The following PRKCA variants were observed in gnomAD, a reference collection of about 807,000 sequenced individuals.
The protein encoded by PRKCA is protein kinase C alpha type.
A neutral mutation model predicts 87.0 loss-of-function variants in PRKCA; 27 were observed. The ratio of observed to expected loss-of-function variants is 0.31; its 90% CI spans 0.23 to 0.43. The LOEUF (loss-of-function observed/expected upper bound fraction) is 0.43. Ranked by LOEUF, PRKCA falls within the 20% of genes least tolerant of loss-of-function variation. The pLI is 1.00. For synonymous variants in PRKCA, 329 were observed against 311.1 expected (o/e 1.06, Z -0.61); for missense variants, 518 against 852.3 (o/e 0.61, Z 4.88).
At chr17:66,377,413 G>C (rs894695920) in intron 2 of PRKCA, among the ~76,000 whole-genome samples, 2 of 151,572 alleles carry the variant, frequency 1.3e-5, no homozygotes, top group African/African-American at 4.9e-5. Context: ...ACTTGTCCCA[G>C]GTCTATCTGG....
rs913526014 is a variant in PRKCA, at chr17:66,759,198, CA to C, written c.1525-14781del. Among the ~76,000 whole-genome samples the C allele has an allele frequency of 4.6e-5, 7 of 151,078 alleles. No individual in the cohort carries two copies. The South Asian group carries it at 1.0e-3, about 23-fold the overall frequency. On this transcript the variant is annotated intron_variant, in intron 13 of 16. Transcript: ENST00000413366. ...TGAAACCCCATCTCTAATAAAAATA[CA>C]AAAAAAATTAGCCGGGCGTGGTGGC...
At chr17:66,634,883 G>A (rs1971111837) in intron 3 of PRKCA, among the ~76,000 whole-genome samples, 1 of 152,086 alleles carries the variant, frequency 6.6e-6, no homozygotes, top group African/African-American at 2.4e-5. Context: ...GTGTGTGGGA[G>A]GTGAGAGATA....
chr17:66,519,346 T>C (rs1193052529), intron 3 of PRKCA, among the ~76,000 whole-genome samples: 4 of 152,198 alleles, frequency 2.6e-5, no homozygotes, highest in Non-Finnish European at 5.9e-5. Flanking sequence ...CTAGCTAGAA[T>C]GTTTTTATTA....
At chr17:66,366,755 T>C (rs1027133698) in intron 2 of PRKCA, among the ~76,000 whole-genome samples, 11 of 152,192 alleles carry the variant, frequency 7.2e-5, no homozygotes, top group Non-Finnish European at 1.5e-5. Flanking sequence ...TGAGACATTT[T>C]TACTCCAGTA....
intron 2 of PRKCA, among the ~76,000 whole-genome samples, chr17:66,441,185 A>G (rs1012217261): frequency 7.5e-6 from 1 of 133,366 alleles, no homozygotes; most frequent in African/African-American, 2.7e-5. Flanking sequence ...AAAAAAAAAA[A>G]AAAGTAAATT....
At chr17:66,510,891 C>T (rs111768982) in intron 3 of PRKCA, among the ~76,000 whole-genome samples, 3,468 of 152,138 alleles carry the variant, frequency 0.023, 127 homozygotes, top group African/African-American at 0.079. Context: ...GGACTACAGG[C>T]GTGCACCACC....
At chr17:66,579,395 G>A (rs999441846) in intron 3 of PRKCA, among the ~76,000 whole-genome samples, 2 of 152,194 alleles carry the variant, frequency 1.3e-5, no homozygotes, top group African/African-American at 2.4e-5. Context: ...TGTGAAAGTC[G>A]TGATGGGAAA....
intron 9 of PRKCA, among the ~76,000 whole-genome samples, chr17:66,734,966 A>G (rs1643224605): frequency 1.3e-5 from 2 of 152,234 alleles, no homozygotes; most frequent in African/African-American, 4.8e-5. Context: ...AATAGTTTTC[A>G]CAACTAAAAA....
chr17:66,803,948 G>T lies in PRKCA; in HGVS notation c.1930G>T (p.Val644Phe). Reference protein sequence around the residue: ...QPVLTPPDQLVIANIDQSDFE... With the variant: ...QPVLTPPDQLFIANIDQSDFE... The stretch of plus-strand genomic sequence containing the variant: ...CGTCTTAACACCACCTGATCAGCTG[G>T]TTATTGCTAACATAGACCAGTCTGA... Residue 644 changes from valine to phenylalanine, a missense_variant, in exon 17 of 17, where the codon GTT becomes TTT. Physicochemically the swap from Val to Phe is conservative, Grantham distance 50 (BLOSUM62 -1). Coordinates refer to ENST00000413366, the MANE Select transcript of PRKCA (RefSeq NM_002737.3). This position sits in a 1 kb window ranked among gnomAD's most constrained non-coding sequence, Gnocchi z 4.4. The T allele has an allele frequency of 1.9e-6, 3 of 1,614,080 alleles. No homozygotes were observed. The highest frequency in any genetic ancestry group is 1.7e-6 in the Non-Finnish European group (2 of 1,179,998).
chr17:66,331,455 A>G (rs1906319847), intron 2 of PRKCA, among the ~76,000 whole-genome samples: 1 of 152,172 alleles, frequency 6.6e-6, no homozygotes, highest in Non-Finnish European at 1.5e-5. Context: ...GTAGCAACAC[A>G]TTAATCTGCA....
chr17:66,607,474 A>T (rs1970243363), intron 3 of PRKCA, among the ~76,000 whole-genome samples: 1 of 152,382 alleles, frequency 6.6e-6, no homozygotes, highest in African/African-American at 2.4e-5. Flanking sequence ...ATTTAAAGAT[A>T]AAAATATACT....
At chr17:66,475,310 T>C (rs1915492772) in intron 2 of PRKCA, among the ~76,000 whole-genome samples, 2 of 152,148 alleles carry the variant, frequency 1.3e-5, no homozygotes, top group Admixed American at 1.3e-4. Flanking sequence ...TAATGCAGTC[T>C]CTTCTCCTAG....
At chr17:66,488,911 A>G (rs777244970) in intron 2 of PRKCA, among the ~76,000 whole-genome samples, 1 of 152,202 alleles carries the variant, frequency 6.6e-6, no homozygotes, top group Non-Finnish European at 1.5e-5. Flanking sequence ...ATTTTCTTTT[A>G]ACATGCAGAT....
chr17:66,385,787 G>T (rs1471203087), intron 2 of PRKCA, among the ~76,000 whole-genome samples: 1 of 151,960 alleles, frequency 6.6e-6, no homozygotes, highest in East Asian at 1.9e-4. Flanking sequence ...TTTCCGAGAC[G>T]GCATCTTGCT....
At chr17:66,556,131 G>C (rs1385629475) in intron 3 of PRKCA, among the ~76,000 whole-genome samples, 1 of 151,956 alleles carries the variant, frequency 6.6e-6, no homozygotes, top group African/African-American at 2.4e-5. Flanking sequence ...TTTGAGCATC[G>C]AGTTTCTGTT....
At chr17:66,470,836 G>A (rs896191616) in intron 2 of PRKCA, among the ~76,000 whole-genome samples, 2 of 152,192 alleles carry the variant, frequency 1.3e-5, no homozygotes, top group African/African-American at 2.4e-5. Flanking sequence ...CTTGAAAAGT[G>A]ATCTTCAAAT....
chr17:66,644,189 T>A (rs1971390100), intron 4 of PRKCA, among the ~76,000 whole-genome samples: 1 of 152,222 alleles, frequency 6.6e-6, no homozygotes, highest in African/African-American at 2.4e-5. Flanking sequence ...AGCATCCACA[T>A]TTGTGAATTA....
chr17:66,681,048 G>T (rs929874719), intron 5 of PRKCA, among the ~76,000 whole-genome samples: 1 of 152,318 alleles, frequency 6.6e-6, no homozygotes, highest in South Asian at 2.1e-4. Flanking sequence ...GGCCAACGTG[G>T]TGAAACCCCG....
At chr17:66,525,327 T>C (rs1967310513) in intron 3 of PRKCA, among the ~76,000 whole-genome samples, 1 of 152,208 alleles carries the variant, frequency 6.6e-6, no homozygotes, top group South Asian at 2.1e-4. Context: ...TTGTTACTAA[T>C]AATTGAAAGA....
Sources: allele counts gnomAD v4.1 joint callset (sites outside exome capture counted in the v4.1 genomes callset), GRCh38; gene constraint gnomAD v4.1.1; non-coding constraint Gnocchi (gnomAD v3.1); transcripts MANE v1.5; gene names NCBI Gene and HGNC (gene_info 2026-07-23, HGNC 2026-07-21).